Variants in ABCC2 observed in about 807,000 individuals in gnomAD.
ABCC2 encodes the protein ATP binding cassette subfamily C member 2.
A neutral mutation model predicts 173.4 loss-of-function variants in ABCC2; 157 were observed. The observed-to-expected ratio is 0.91, with a 90% CI of 0.80 to 1.03. ABCC2 has a LOEUF of 1.03. Ranked by LOEUF, ABCC2 falls within the 50% of genes least tolerant of loss-of-function variation. The probability of loss-of-function intolerance (pLI) is 0.00; values close to 1 mark genes in which losing one functional copy is unlikely to be tolerated. For missense variants in ABCC2, 1,822 were observed against 1,852.3 expected, an observed-to-expected ratio of 0.98 and a Z score of 0.30; for synonymous variants, 657 against 693.5, an observed-to-expected ratio of 0.95 and a Z score of 0.83.
chr10:99,801,167 T>C (rs1263779691), intron 9 of ABCC2, among the ~76,000 whole-genome samples: 1 of 152,168 alleles, frequency 6.6e-6, no homozygotes, highest in Non-Finnish European at 1.5e-5. Flanking sequence ...CCTGGAAGCT[T>C]TTTCATTTCC....
intron 28 of ABCC2, among the ~76,000 whole-genome samples, chr10:99,845,120 C>T (rs925118407): frequency 3.3e-5 from 5 of 152,120 alleles, no homozygotes; most frequent in African/African-American, 1.2e-4. Flanking sequence ...ACCTCTGCTT[C>T]CTGGGTTCAA....
In ABCC2 at chr10:99,842,040, A is replaced by G. The variant is rs2038955850; in HGVS notation, c.3688A>G (p.Arg1230Gly). The G allele has an allele frequency of 6.2e-6, 10 of 1,613,616 alleles. No homozygotes were observed. The highest frequency in any genetic ancestry group is 1.7e-5 in the Admixed American group (1 of 60,022). The part of the protein sequence containing the change: ...FFSALMMVIY[R>G]DTLSGDTVGF... ...TTCAGCCTTGATGATGGTTATTTAT[A>G]GAGATACCCTAAGTGGGGACACTGT... The change falls in exon 26 of 32, where the codon AGA becomes GGA. Residue 1230 changes from arginine (R) to glycine (G), a missense_variant. Arg to Gly is a moderately radical substitution (Grantham distance 125). Transcript: ENST00000647814.
At chr10:99,833,415 G>A (rs533632191) in intron 23 of ABCC2, among the ~76,000 whole-genome samples, 106 of 152,306 alleles carry the variant, frequency 7.0e-4, no homozygotes, top group African/African-American at 2.3e-3. Context: ...GCATGAGAAA[G>A]GAAACTGTCA....
rs1239835776 is a variant in ABCC2, at chr10:99,818,886, G to T, written c.2368G>T (p.Ala790Ser). The T allele has an allele frequency of 1.2e-6, 2 of 1,614,160 alleles. No individual in the cohort carries two copies. Among genetic ancestry groups the T allele is most frequent in the Non-Finnish European group, 1.7e-6 (2 of 1,180,030 alleles). The change falls in exon 18 of 32, where the codon GCA (alanine) becomes TCA (serine). Residue 790 changes from alanine to serine, a missense_variant. By Grantham distance (99) the Ala-to-Ser change is moderately conservative. Coordinates refer to ENST00000647814, the MANE Select transcript of ABCC2 (RefSeq NM_000392.5). ...CTATCTTCTAGATGACCCCCTGTCT[G>T]CAGTGGATGCTCATGTAGGAAAACA... is the stretch of plus-strand genomic sequence containing the variant. ...DIYLLDDPLSAVDAHVGKHIF... is the reference protein window; with the variant it reads ...DIYLLDDPLSSVDAHVGKHIF...
At chr10:99,804,556 T>C (rs965193379) in intron 10 of ABCC2, among the ~76,000 whole-genome samples, 1 of 152,168 alleles carries the variant, frequency 6.6e-6, no homozygotes, top group African/African-American at 2.4e-5. Flanking sequence ...CTTGCTCTGC[T>C]GGGCTGCCCT....
At chr10:99,814,214 T>C (rs1317111958) in intron 16 of ABCC2, among the ~76,000 whole-genome samples, 921 of 47,018 alleles carry the variant, frequency 0.02, 82 homozygotes, top group African/African-American at 0.026. Flanking sequence ...TACACACATG[T>C]GTATATATAC....
At position 99,850,654 on chromosome 10, in the gene ABCC2, A is replaced by G. The variant is rs1046615391; in HGVS notation, c.4366A>G (p.Lys1456Glu). 6.2e-6 allele frequency: 10 copies of G among 1,614,110 alleles called. No homozygotes were observed. In the African/African-American group the frequency reaches 1.1e-4, roughly 17 times the overall value. ...CLGRALLRKS[K>E]ILVLDEATAA... Reference sequence around the variant, plus strand: ...GGGCAGGGCTCTGCTTCGGAAATCCAAGATCCTGGTCCTGGATGAGGCCAC... The same window carrying G: ...GGGCAGGGCTCTGCTTCGGAAATCCGAGATCCTGGTCCTGGATGAGGCCAC... The change falls in exon 31 of 32, where the codon AAG becomes GAG. Residue 1456 changes from lysine (K) to glutamate (E), a missense_variant. Physicochemically the swap from Lys to Glu is moderately conservative, Grantham distance 56. Coordinates refer to ENST00000647814, the MANE Select transcript of ABCC2 (RefSeq NM_000392.5).
chr10:99,792,387 T>C (rs756967546), intron 3 of ABCC2, 28 bp downstream of exon 3: 1 of 1,613,116 alleles, frequency 6.2e-7, no homozygotes. Flanking sequence ...TCTGCCCTGT[T>C]TACCTTTTCA....
Position 99,793,929 on chromosome 10 carries a change from T to A in ABCC2, c.506T>A (p.Phe169Tyr), listed in dbSNP as rs2037852040. Residue 169 changes from phenylalanine (F) to tyrosine (Y), a missense_variant, in exon 5 of 32, where the codon TTC becomes TAC. By Grantham distance (22) the Phe-to-Tyr change is conservative. Coordinates refer to ENST00000647814, the MANE Select transcript of ABCC2 (RefSeq NM_000392.5). The stretch of plus-strand genomic sequence containing the variant: ...AATCTAGCCTACTCCTGCCTGTTCT[T>A]CATCTCCTACGGATTCCAGATCCTG... ...NSNLAYSCLF[F>Y]ISYGFQILIL... 2 of 1,613,930 alleles carry A rather than the reference T, an allele frequency of 1.2e-6. No homozygotes were observed. The highest frequency in any genetic ancestry group is 2.7e-5 in the African/African-American group (2 of 74,932).
At chr10:99,839,133 G>A (rs1590188403) in intron 25 of ABCC2, among the ~76,000 whole-genome samples, 5 of 116,254 alleles carry the variant, frequency 4.3e-5, no homozygotes, top group Admixed American at 1.6e-4. Context: ...CTGGCCGGGC[G>A]GGGGGCCGAC....
At chr10:99,838,980 C>T (rs1465223778) in intron 25 of ABCC2, among the ~76,000 whole-genome samples, 2 of 88,776 alleles carry the variant, frequency 2.3e-5, no homozygotes, top group Admixed American at 9.9e-5. Flanking sequence ...ACCTCCCTCC[C>T]GGACGGGGCG....
intron 26 of ABCC2, 61 bp downstream of exon 26, chr10:99,842,154 TGTATACTGTGGA>T (rs748262160): frequency 1.9e-6 from 3 of 1,608,922 alleles, no homozygotes; most frequent in Non-Finnish European, 2.5e-6. Context: ...TTAAGCCTGA[TGTATACTGTGGA>T]GTCTGTGCTC....
At chr10:99,818,982 A>G in intron 18 of ABCC2, 25 bp downstream of exon 18, 1 of 1,568,564 alleles carries the variant, frequency 6.4e-7, no homozygotes, top group Non-Finnish European at 8.7e-7. Context: ...AACATGATGA[A>G]GATATAAAGG....
chr10:99,836,113 G>C lies in ABCC2; in HGVS notation c.3437G>C (p.Arg1146Pro), dbSNP rs148551677. 1 of 1,613,844 alleles carries C rather than the reference G, an allele frequency of 6.2e-7. No individual in the cohort carries two copies. The highest frequency in any genetic ancestry group is 8.5e-7 in the Non-Finnish European group (1 of 1,180,018). The stretch of plus-strand genomic sequence containing the variant: ...CAGATGTTTTATGTGTCTACCTCCC[G>C]CCAGCTGAGGCGTCTGGACTCTGTC... ...SVQMFYVSTS[R>P]QLRRLDSVTR... The change falls in exon 25 of 32, where the codon CGC becomes CCC. Residue 1146 changes from arginine to proline, a missense_variant. Physicochemically the swap from Arg to Pro is moderately radical, Grantham distance 103. Coordinates refer to ENST00000647814, the MANE Select transcript of ABCC2 (RefSeq NM_000392.5).
intron 19 of ABCC2, among the ~76,000 whole-genome samples, chr10:99,828,794 T>C (rs926049155): frequency 6.6e-6 from 1 of 152,010 alleles, no homozygotes; most frequent in Admixed American, 6.6e-5. Flanking sequence ...GTGGGGAGCA[T>C]GTCTTCAGCA....
chr10:99,784,915 C>G, intron 2 of ABCC2, 134 bp downstream of exon 2: 1 of 1,120,910 alleles, frequency 8.9e-7, no homozygotes, highest in Non-Finnish European at 1.3e-6. Flanking sequence ...GAGCCAGGCT[C>G]AAGGTTTCCC....
At position 99,830,079 on chromosome 10, in the gene ABCC2, T is replaced by C. The variant is rs910574376; in HGVS notation, c.2621-228T>C. On this transcript the variant is annotated intron_variant, in intron 19 of 31. Transcript: ENST00000647814. ...TCTTCTCCATTTTGACCATTTTCTC[T>C]TCCAGTGGAATATTAATTCATCTCT... 2.6e-5 allele frequency among the ~76,000 whole-genome samples: 4 copies of C among 152,236 alleles called. No individual in the cohort carries two copies. The East Asian group carries it at 7.7e-4, about 29-fold the overall frequency.
chr10:99,848,361 G>A (rs562292870), intron 30 of ABCC2, among the ~76,000 whole-genome samples: 2 of 152,172 alleles, frequency 1.3e-5, no homozygotes, highest in Non-Finnish European at 2.9e-5. Flanking sequence ...AGTTGATCTG[G>A]CATTTTTCCT....
In ABCC2 at chr10:99,847,021, G is replaced by T. The variant is rs777034549; in HGVS notation, c.4207G>T (p.Asp1403Tyr). 4.7e-5 allele frequency: 76 copies of T among 1,614,088 alleles called. No individual in the cohort carries two copies. The highest frequency in any genetic ancestry group is 3.8e-4 in the Admixed American group (23 of 60,006). ...TCTCGACCCTTTCAACAACTACTCAGATGAGGAGATTTGGAAGGCCTTGGA... is the reference window on the plus strand; with the variant it reads ...TCTCGACCCTTTCAACAACTACTCATATGAGGAGATTTGGAAGGCCTTGGA... ...MNLDPFNNYS[D>Y]EEIWKALELA... Residue 1403 changes from aspartate to tyrosine, a missense_variant, in exon 30 of 32, where the codon GAT (aspartate) becomes TAT (tyrosine). Physicochemically the swap from Asp to Tyr is radical, Grantham distance 160. Coordinates refer to ENST00000647814, the MANE Select transcript of ABCC2 (RefSeq NM_000392.5).
Sources: gnomAD v4.1 joint callset for allele counts (sites outside exome capture counted in the v4.1 genomes callset) on GRCh38, gnomAD v4.1.1 for gene constraint, MANE v1.5 for transcripts, NCBI Gene and HGNC (gene_info 2026-07-23, HGNC 2026-07-21) for gene names.